TMCC1: variants seen among roughly 807,000 people sequenced by gnomAD.
TMCC1 encodes transmembrane and coiled-coil domain family 1.
TMCC1 carries 15 observed loss-of-function variants against 52.4 expected under a neutral mutation model. The observed-to-expected ratio is 0.29, with a 90% CI of 0.19 to 0.44. The LOEUF (loss-of-function observed/expected upper bound fraction) is 0.44. Among genes scored for constraint, TMCC1 ranks in the 20% least tolerant of loss-of-function variants. The probability of loss-of-function intolerance (pLI) is 1.00; values close to 1 mark genes in which losing one functional copy is unlikely to be tolerated. For missense variants in TMCC1, 503 were observed against 806.0 expected (o/e 0.62, Z 4.55); for synonymous variants, 279 against 301.9 (o/e 0.92, Z 0.79).
intron 4 of TMCC1, among the ~76,000 whole-genome samples, chr3:129,747,548 C>T (rs1176339988): frequency 6.6e-6 from 1 of 152,040 alleles, no homozygotes; most frequent in Non-Finnish European, 1.5e-5. Flanking sequence ...TCTTCCTTTC[C>T]ATATTTGGAA....
chr3:129,781,143 A>T (rs2055490547), intron 4 of TMCC1, among the ~76,000 whole-genome samples: 2 of 152,272 alleles, frequency 1.3e-5, no homozygotes, highest in African/African-American at 4.8e-5. Context: ...CTGGTTTTCT[A>T]ACACTTATCT....
At chr3:129,846,701 A>C (rs1278572380) in intron 2 of TMCC1, among the ~76,000 whole-genome samples, 1 of 151,954 alleles carries the variant, frequency 6.6e-6, no homozygotes, top group Non-Finnish European at 1.5e-5. Context: ...AAAAATAAGA[A>C]AAATATAATC....
At chr3:129,786,524 C>A (rs931654410) in intron 4 of TMCC1, among the ~76,000 whole-genome samples, 3 of 152,130 alleles carry the variant, frequency 2.0e-5, no homozygotes, top group East Asian at 3.9e-4. Context: ...TGATCCAAAT[C>A]CTCTAGGTCC....
intron 4 of TMCC1, among the ~76,000 whole-genome samples, chr3:129,772,548 T>C (rs943059770): frequency 1.3e-5 from 2 of 150,546 alleles, no homozygotes; most frequent in Non-Finnish European, 1.5e-5. Context: ...ACCCCGTCTC[T>C]ACTAAAAAAA....
chr3:129,880,871 T>C (rs984339030), intron 1 of TMCC1, among the ~76,000 whole-genome samples: 3 of 151,710 alleles, frequency 2.0e-5, no homozygotes, highest in Non-Finnish European at 4.4e-5. Context: ...TTTCTTTTTT[T>C]TTTTTTTTTG....
chr3:129,726,499 T>C (rs969367763), intron 4 of TMCC1, among the ~76,000 whole-genome samples: 33 of 152,226 alleles, frequency 2.2e-4, no homozygotes, highest in Admixed American at 1.3e-3. Flanking sequence ...CTATCTGTAG[T>C]TTATAGTTTT....
chr3:129,768,994 G>T (rs759629458), intron 4 of TMCC1, among the ~76,000 whole-genome samples: 1 of 152,162 alleles, frequency 6.6e-6, no homozygotes, highest in Non-Finnish European at 1.5e-5. Flanking sequence ...TCACAATATC[G>T]TAAGGGAAGA....
intron 4 of TMCC1, among the ~76,000 whole-genome samples, chr3:129,723,039 C>T (rs2049754710): frequency 6.6e-6 from 1 of 152,124 alleles, no homozygotes. Flanking sequence ...ATCTCCTTTG[C>T]TTTAGTATTT....
intron 4 of TMCC1, among the ~76,000 whole-genome samples, chr3:129,733,150 G>C (rs1440230603): frequency 6.6e-6 from 1 of 152,160 alleles, no homozygotes; most frequent in Non-Finnish European, 1.5e-5. Context: ...AGAAAAGACA[G>C]GTGAAATGTG....
chr3:129,739,347 C>A (rs957647940), intron 4 of TMCC1, among the ~76,000 whole-genome samples: 2 of 151,944 alleles, frequency 1.3e-5, no homozygotes, highest in Admixed American at 6.6e-5. Flanking sequence ...TTTGTATTTT[C>A]AGTAGAGACG....
chr3:129,793,707 T>C (rs1388393317), intron 4 of TMCC1, among the ~76,000 whole-genome samples: 1 of 152,220 alleles, frequency 6.6e-6, no homozygotes, highest in South Asian at 2.1e-4. Context: ...ATTTTAAGTA[T>C]GATTTTCTCA....
intron 4 of TMCC1, among the ~76,000 whole-genome samples, chr3:129,790,359 A>C (rs2056368055): frequency 6.6e-6 from 1 of 152,256 alleles, no homozygotes; most frequent in South Asian, 2.1e-4. Context: ...TTACGTATGT[A>C]CAAACAGTGG....
At chr3:129,848,749 G>C (rs2059779848) in intron 2 of TMCC1, among the ~76,000 whole-genome samples, 1 of 152,088 alleles carries the variant, frequency 6.6e-6, no homozygotes, top group Non-Finnish European at 1.5e-5. Context: ...TCTGTAATCT[G>C]ACTATGTTTC....
intron 2 of TMCC1, among the ~76,000 whole-genome samples, chr3:129,845,713 G>A (rs2059633611): frequency 6.6e-6 from 1 of 152,166 alleles, no homozygotes; most frequent in South Asian, 2.1e-4. Context: ...AACTTCAGGA[G>A]TTGATAATAG....
intron 4 of TMCC1, among the ~76,000 whole-genome samples, chr3:129,776,162 T>C (rs1357756425): frequency 2.0e-5 from 3 of 152,224 alleles, no homozygotes; most frequent in African/African-American, 4.8e-5. Context: ...CTCTAACCAC[T>C]TTCTATCACA....
chr3:129,666,486 C>G (rs1468712571), intron 5 of TMCC1, among the ~76,000 whole-genome samples: 1 of 152,186 alleles, frequency 6.6e-6, no homozygotes, highest in Non-Finnish European at 1.5e-5. Flanking sequence ...TGTCTGTAAT[C>G]CCAGCATTGT....
At chr3:129,838,871 A>G (rs2059293683) in intron 2 of TMCC1, among the ~76,000 whole-genome samples, 1 of 151,962 alleles carries the variant, frequency 6.6e-6, no homozygotes, top group African/African-American at 2.4e-5. Flanking sequence ...ACAGAGGAAT[A>G]AAGATATAAG....
At chr3:129,823,552 C>A (rs907755845) in intron 4 of TMCC1, among the ~76,000 whole-genome samples, 2 of 152,088 alleles carry the variant, frequency 1.3e-5, no homozygotes, top group Non-Finnish European at 2.9e-5. Flanking sequence ...TTAACAAACA[C>A]CGACTTAGTT....
At chr3:129,692,039 TAAG>T (rs1165230922) in intron 4 of TMCC1, among the ~76,000 whole-genome samples, 4 of 152,202 alleles carry the variant, frequency 2.6e-5, no homozygotes, top group African/African-American at 9.6e-5. Flanking sequence ...GGAAACATTT[TAAG>T]AATCCAAATT....
Sources: allele counts gnomAD v4.1 joint callset (sites outside exome capture counted in the v4.1 genomes callset), GRCh38; gene constraint gnomAD v4.1.1; transcripts MANE v1.5; gene names NCBI Gene and HGNC (gene_info 2026-07-23, HGNC 2026-07-21).